The following TRPM4 variants were observed in gnomAD, a reference collection of about 807,000 sequenced individuals.
TRPM4 encodes the protein calcium-activated non-selective cation channel 1.
Under a neutral mutation model 135.6 loss-of-function variants are expected in TRPM4, and 124 were observed. The observed-to-expected ratio is 0.91, with a 90% CI of 0.79 to 1.06. The LOEUF is 1.06. TRPM4 is among the 50% of genes least tolerant of loss of function. The pLI, the probability that TRPM4 is intolerant of heterozygous loss-of-function variation, is 0.00. For missense variants in TRPM4, 1,658 were observed against 1,671.4 expected, an observed-to-expected ratio of 0.99 and a Z score of 0.14; for synonymous variants, 745 against 705.6, an observed-to-expected ratio of 1.06 and a Z score of -0.88.
At chr19:49,188,863 C>T in intron 13 of TRPM4, 83 bp from the exon 14 acceptor site, 1 of 1,612,674 alleles carries the variant, frequency 6.2e-7, no homozygotes. Flanking sequence ...CTGCGCCATC[C>T]CCTTAAATTC....
intron 1 of TRPM4, 26 bp from the exon 2 acceptor site, chr19:49,158,166 A>G: frequency 6.2e-7 from 1 of 1,610,262 alleles, no homozygotes; most frequent in Non-Finnish European, 8.5e-7. Flanking sequence ...CCCCACTTCC[A>G]CCCCTACATT....
intron 20 of TRPM4, among the ~76,000 whole-genome samples, chr19:49,206,747 G>T (rs1478296672): frequency 6.6e-6 from 1 of 152,154 alleles, no homozygotes; most frequent in Non-Finnish European, 1.5e-5. Flanking sequence ...CCAGTTGTTG[G>T]AATTTTCCGA....
chr19:49,171,353 T>A lies in TRPM4; in HGVS notation c.797-4T>A, dbSNP rs765745854. 6 of 1,614,006 alleles carry A rather than the reference T, an allele frequency of 3.7e-6. No homozygotes were observed. In the African/African-American group the frequency reaches 8.0e-5, roughly 22 times the overall value. On this transcript the variant is annotated splice_region_variant and splice_polypyrimidine_tract_variant and intron_variant, in intron 6 of 24. Transcript: ENST00000252826. The surrounding 1 kb of genome is among the most constrained non-coding windows in gnomAD (Gnocchi z 4.7). ...AATCAAGCCCCCTTCTCTTCTTGCC[T>A]CAGGGACTGGAATTGACATCCCTGT...
In TRPM4 at chr19:49,181,373, C is replaced by A; in HGVS notation, c.1175C>A (p.Ala392Asp). The A allele has an allele frequency of 6.2e-7, 1 of 1,613,942 alleles. No homozygotes were observed. The highest frequency in any genetic ancestry group is 8.5e-7 in the Non-Finnish European group (1 of 1,179,990). The change falls in exon 10 of 25, where the codon GCC becomes GAC. Residue 392 changes from alanine (A) to aspartate (D), a missense_variant. Transcript: ENST00000252826. ...GCCTGTGGGAGCTCGGAGGCCTCAG[C>A]CTACCTGGATGAGCTGCGTTTGGCT... ...VKACGSSEASAYLDELRLAVA... is the reference protein window; with the variant it reads ...VKACGSSEASDYLDELRLAVA...
rs145772095 is a variant in TRPM4, at chr19:49,182,634, C to T, written c.1320C>T (p.Phe440=). ...MDALLNDRPE[F]VRLLISHGLS... ...CCCTGCTGAATGACCGGCCTGAGTT[C>T]GTGCGCTTGCTCATTTCCCACGGCC... Residue 440 remains phenylalanine (F), a synonymous_variant, in exon 11 of 25, where the codon TTC becomes TTT. Coordinates refer to ENST00000252826, the MANE Select transcript of TRPM4 (RefSeq NM_017636.4). 7 of 1,614,050 alleles carry T rather than the reference C, an allele frequency of 4.3e-6. No homozygotes were observed. The African/African-American group carries it at 6.7e-5, about 15-fold the overall frequency.
In TRPM4 at chr19:49,171,081, G is replaced by C. The variant is rs1479153557; in HGVS notation, c.797-276G>C. ...CCTGTTTCAGAAATTAGGCTGATGC[G>C]GTGGCTCATGCCTATAATCCCAGCA... On this transcript the variant is annotated intron_variant, in intron 6 of 24. Transcript: ENST00000252826. This position sits in a 1 kb window ranked among gnomAD's most constrained non-coding sequence, Gnocchi z 4.7. Among the ~76,000 whole-genome samples the C allele has an allele frequency of 6.6e-6, 1 of 152,070 alleles. No homozygotes were observed. The highest frequency in any genetic ancestry group is 1.5e-5 in the Non-Finnish European group (1 of 68,020).
chr19:49,189,099 T>A lies in TRPM4; in HGVS notation c.2019+8T>A. 4 of 1,614,012 alleles carry A rather than the reference T, an allele frequency of 2.5e-6. No homozygotes were observed. Among genetic ancestry groups the A allele is most frequent in the Non-Finnish European group, 3.4e-6 (4 of 1,179,994 alleles). ...GCCCAGGATGGGGTACAGGTGAGTA[T>A]CTGCGACACCAACATCCCAAACAGT... On this transcript the variant is annotated splice_region_variant and intron_variant, in intron 14 of 24. Transcript: ENST00000252826.
intron 6 of TRPM4, among the ~76,000 whole-genome samples, chr19:49,169,758 C>T (rs1967382740): frequency 6.6e-6 from 1 of 151,802 alleles, no homozygotes; most frequent in Admixed American, 6.6e-5. Context: ...AGGGTTTTGC[C>T]ATGCAGCCCA....
chr19:49,201,000 C>CTTTTCTTT (rs1968911329), intron 19 of TRPM4, among the ~76,000 whole-genome samples: 1 of 140,762 alleles, frequency 7.1e-6, no homozygotes, highest in African/African-American at 2.7e-5. Flanking sequence ...TTTCTTTTTT[C>CTTTTCTTT]TTTTTTTTTT....
chr19:49,205,715 T>G (rs201091703), intron 20 of TRPM4, among the ~76,000 whole-genome samples: 1 of 151,750 alleles, frequency 6.6e-6, no homozygotes, highest in East Asian at 1.9e-4. Context: ...TTTGTATTTT[T>G]AGTAGGGACG....
chr19:49,195,780 C>G (rs1019391026), intron 16 of TRPM4, among the ~76,000 whole-genome samples: 22 of 150,796 alleles, frequency 1.5e-4, no homozygotes, highest in South Asian at 6.3e-4. Context: ...GCCTCCTGTA[C>G]TCAAGTGATC....
At chr19:49,179,344 A>C (rs10404184) in intron 9 of TRPM4, among the ~76,000 whole-genome samples, 51,634 of 150,102 alleles carry the variant, frequency 0.34, 9,139 homozygotes, top group African/African-American at 0.44. Context: ...CATGAGCCAC[A>C]GCATCCAGCC....
At chr19:49,165,204 G>T (rs988150340) in intron 2 of TRPM4, among the ~76,000 whole-genome samples, 1 of 152,084 alleles carries the variant, frequency 6.6e-6, no homozygotes, top group African/African-American at 2.4e-5. Context: ...GGCACAGAGA[G>T]GAAGAAACAA....
intron 12 of TRPM4, 88 bp downstream of exon 12, chr19:49,183,300 A>G: frequency 6.4e-7 from 1 of 1,567,908 alleles, no homozygotes; most frequent in Non-Finnish European, 8.7e-7. Context: ...CAATTCCCCG[A>G]CCCCTGACGT....
Position 49,168,593 on chromosome 19 carries a change from A to C in TRPM4, c.653A>C (p.Glu218Ala). ...AGGTACCGGTGGCGCGGTGACCCGG[A>C]GGACGGGGTCCAGTTTCCCCTGGAC... is the stretch of plus-strand genomic sequence containing the variant. Reference protein sequence around the residue: ...PARYRWRGDPEDGVQFPLDYN... With the variant: ...PARYRWRGDPADGVQFPLDYN... Residue 218 changes from glutamate to alanine, a missense_variant, in exon 6 of 25, where the codon GAG becomes GCG. Glu to Ala is a moderately radical substitution (Grantham distance 107, BLOSUM62 -1). Coordinates refer to ENST00000252826, the MANE Select transcript of TRPM4 (RefSeq NM_017636.4). The C allele has an allele frequency of 6.2e-7, 1 of 1,613,690 alleles. No homozygotes were observed. Among genetic ancestry groups the C allele is most frequent in the Non-Finnish European group, 8.5e-7 (1 of 1,179,988 alleles).
intron 3 of TRPM4, among the ~76,000 whole-genome samples, chr19:49,167,257 C>T (rs1967238506): frequency 7.0e-6 from 1 of 143,420 alleles, no homozygotes; most frequent in African/African-American, 2.7e-5. Flanking sequence ...CTCTCTGGGT[C>T]TCTGTCCCTC....
chr19:49,162,987 C>T (rs940154588), intron 2 of TRPM4, among the ~76,000 whole-genome samples: 14 of 151,786 alleles, frequency 9.2e-5, no homozygotes, highest in Non-Finnish European at 1.8e-4. Flanking sequence ...GTCTCAAAGT[C>T]CTGACCTCAG....
chr19:49,163,474 A>G (rs952856975), intron 2 of TRPM4, among the ~76,000 whole-genome samples: 10 of 151,792 alleles, frequency 6.6e-5, no homozygotes, highest in Non-Finnish European at 1.3e-4. Context: ...GATTACAGTC[A>G]TGAGCCACCA....
At chr19:49,203,142 T>C (rs541844365) in intron 20 of TRPM4, among the ~76,000 whole-genome samples, 38 of 150,368 alleles carry the variant, frequency 2.5e-4, no homozygotes, top group East Asian at 2.4e-3. Flanking sequence ...CCACCCGCCT[T>C]GGCCTCCCAA....
Sources: gnomAD v4.1 joint callset for allele counts (sites outside exome capture counted in the v4.1 genomes callset) on GRCh38, gnomAD v4.1.1 for gene constraint, Gnocchi (gnomAD v3.1) non-coding constraint, MANE v1.5 for transcripts, NCBI Gene and HGNC (gene_info 2026-07-23, HGNC 2026-07-21) for gene names.